The following TMEM132D variants were observed in gnomAD, a reference collection of about 807,000 sequenced individuals.
TMEM132D encodes transmembrane protein 132D.
A neutral mutation model predicts 62.3 loss-of-function variants in TMEM132D; 21 were observed. That is an observed-to-expected ratio of 0.34 (90% CI 0.24 to 0.49). The LOEUF is 0.49. Ranked by LOEUF, TMEM132D falls within the 20% of genes least tolerant of loss-of-function variation. The pLI, the probability that TMEM132D is intolerant of heterozygous loss-of-function variation, is 0.99. For missense variants in TMEM132D, 1,346 were observed against 1,402.8 expected, an observed-to-expected ratio of 0.96 and a Z score of 0.65; for synonymous variants, 621 against 575.6, an observed-to-expected ratio of 1.08 and a Z score of -1.13.
At chr12:129,230,895 C>T (rs1032861399) in intron 4 of TMEM132D, among the ~76,000 whole-genome samples, 8 of 152,202 alleles carry the variant, frequency 5.3e-5, no homozygotes, top group African/African-American at 1.7e-4. Flanking sequence ...TCCATGAGAT[C>T]ATTGGGTTAG....
chr12:129,276,135 C>A (rs1361128026), intron 4 of TMEM132D, among the ~76,000 whole-genome samples: 1 of 152,190 alleles, frequency 6.6e-6, no homozygotes, highest in African/African-American at 2.4e-5. Context: ...ATTTCACCCT[C>A]CACCCTCCCT....
chr12:129,587,435 T>C (rs1168025260), intron 2 of TMEM132D, among the ~76,000 whole-genome samples: 3 of 152,084 alleles, frequency 2.0e-5, no homozygotes, highest in Admixed American at 1.3e-4. Context: ...AAATAACTAA[T>C]GGGTACTAGG....
chr12:129,795,142 A>T (rs1871526637), intron 1 of TMEM132D, among the ~76,000 whole-genome samples: 2 of 152,246 alleles, frequency 1.3e-5, no homozygotes, highest in Non-Finnish European at 2.9e-5. Context: ...ACCACTTAAC[A>T]TGATACTCCA....
At chr12:129,324,955 C>T (rs930053094) in intron 4 of TMEM132D, among the ~76,000 whole-genome samples, 9 of 152,192 alleles carry the variant, frequency 5.9e-5, no homozygotes, top group African/African-American at 1.4e-4. Context: ...GAGTGTCAGA[C>T]CCCGTGCTAC....
At chr12:129,702,738 T>C (rs1397504) in intron 1 of TMEM132D, among the ~76,000 whole-genome samples, 134,049 of 152,276 alleles carry the variant, frequency 0.88, 60,465 homozygotes, top group Non-Finnish European at 0.99. Context: ...CTTTTTTCTC[T>C]GCTGTATTCA....
chr12:129,740,583 G>C (rs1166726238), intron 1 of TMEM132D, among the ~76,000 whole-genome samples: 1 of 152,092 alleles, frequency 6.6e-6, no homozygotes, highest in Non-Finnish European at 1.5e-5. Flanking sequence ...GCACAAACTA[G>C]TTCTACTGAT....
chr12:129,865,738 G>C (rs1239983750), intron 1 of TMEM132D, among the ~76,000 whole-genome samples: 3 of 152,190 alleles, frequency 2.0e-5, no homozygotes, highest in Admixed American at 6.5e-5. Context: ...GCCCGGCACT[G>C]GTCTACATGC....
At chr12:129,724,191 A>G (rs918550355) in intron 1 of TMEM132D, among the ~76,000 whole-genome samples, 16 of 152,184 alleles carry the variant, frequency 1.1e-4, no homozygotes, top group African/African-American at 3.6e-4. Flanking sequence ...AGAGCCGACT[A>G]TCATTAGATA....
At chr12:129,817,043 T>C (rs899078507) in intron 1 of TMEM132D, among the ~76,000 whole-genome samples, 2 of 152,224 alleles carry the variant, frequency 1.3e-5, no homozygotes, top group African/African-American at 4.8e-5. Context: ...TTTATAAGAA[T>C]AGAAATGGGT....
intron 4 of TMEM132D, among the ~76,000 whole-genome samples, chr12:129,332,929 A>G (rs116393159): frequency 0.017 from 2,629 of 152,322 alleles, 70 homozygotes; most frequent in African/African-American, 0.06. Context: ...AAAAAGTTCC[A>G]GAGAGCCATT....
chr12:129,851,519 A>C (rs1382966785), intron 1 of TMEM132D, among the ~76,000 whole-genome samples: 1 of 152,360 alleles, frequency 6.6e-6, no homozygotes, highest in East Asian at 1.9e-4. Flanking sequence ...GGCTGTACAA[A>C]AGCACAAGAA....
chr12:129,874,230 T>C (rs1258361122), intron 1 of TMEM132D, among the ~76,000 whole-genome samples: 1 of 152,142 alleles, frequency 6.6e-6, no homozygotes, highest in African/African-American at 2.4e-5. Context: ...CACTCCACAA[T>C]GTACACATAT....
At chr12:129,357,612 GAA>G (rs1296688798) in intron 3 of TMEM132D, among the ~76,000 whole-genome samples, 2 of 152,050 alleles carry the variant, frequency 1.3e-5, no homozygotes, top group African/African-American at 4.8e-5. Flanking sequence ...GAAAAAGAAA[GAA>G]AGAAGTGAAG....
At chr12:129,879,705 C>T (rs1260097033) in intron 1 of TMEM132D, among the ~76,000 whole-genome samples, 1 of 152,090 alleles carries the variant, frequency 6.6e-6, no homozygotes, top group Non-Finnish European at 1.5e-5. Context: ...CATGAAAACT[C>T]ACAATCAGAG....
intron 5 of TMEM132D, among the ~76,000 whole-genome samples, chr12:129,174,306 C>T (rs1412716144): frequency 6.6e-6 from 1 of 152,140 alleles, no homozygotes; most frequent in African/African-American, 2.4e-5. Flanking sequence ...TCAACTCGCA[C>T]TTATGAGTGA....
intron 1 of TMEM132D, among the ~76,000 whole-genome samples, chr12:129,866,495 T>C (rs993461527): frequency 4.0e-5 from 6 of 150,556 alleles, no homozygotes; most frequent in African/African-American, 1.5e-4. Context: ...CTAATGTAAA[T>C]GACGAGTTAA....
At chr12:129,383,875 A>G (rs1871026804) in intron 3 of TMEM132D, among the ~76,000 whole-genome samples, 1 of 152,162 alleles carries the variant, frequency 6.6e-6, no homozygotes, top group Admixed American at 6.5e-5. Flanking sequence ...AGCCTGATTC[A>G]CTCAGTCTGG....
At chr12:129,579,524 C>G (rs1312639561) in intron 2 of TMEM132D, among the ~76,000 whole-genome samples, 3 of 152,188 alleles carry the variant, frequency 2.0e-5, no homozygotes, top group African/African-American at 7.2e-5. Context: ...TAGTCTGTGG[C>G]TAAAGGCCTG....
chr12:129,587,521 C>T (rs1313220889), intron 2 of TMEM132D, among the ~76,000 whole-genome samples: 1 of 152,036 alleles, frequency 6.6e-6, no homozygotes, highest in Non-Finnish European at 1.5e-5. Flanking sequence ...CACAACTGCA[C>T]ATGTACCCCT....
Sources: gnomAD v4.1 joint callset for allele counts (sites outside exome capture counted in the v4.1 genomes callset) on GRCh38, gnomAD v4.1.1 for gene constraint, MANE v1.5 for transcripts, NCBI Gene and HGNC (gene_info 2026-07-23, HGNC 2026-07-21) for gene names.